CACNA2D3: variants seen among roughly 807,000 people sequenced by gnomAD.
CACNA2D3 encodes voltage-dependent calcium channel subunit alpha-2/delta-3.
A neutral mutation model predicts 160.6 loss-of-function variants in CACNA2D3; 60 were observed. That is an observed-to-expected ratio of 0.37 (90% confidence interval 0.30 to 0.46). The LOEUF (loss-of-function observed/expected upper bound fraction) is 0.46. CACNA2D3 is among the 20% of genes least tolerant of loss of function. The pLI, the probability that CACNA2D3 is intolerant of heterozygous loss-of-function variation, is 1.00. For synonymous variants in CACNA2D3, 558 were observed against 492.9 expected, an observed-to-expected ratio of 1.13 and a Z score of -1.75; for missense variants, 1,205 against 1,365.0, an observed-to-expected ratio of 0.88 and a Z score of 1.85.
chr3:54,441,774 T>G (rs1417733597), intron 4 of CACNA2D3, among the ~76,000 whole-genome samples: 1 of 152,194 alleles, frequency 6.6e-6, no homozygotes, highest in Non-Finnish European at 1.5e-5. Context: ...GTGCCAGGTA[T>G]CATTCATTGA....
intron 8 of CACNA2D3, among the ~76,000 whole-genome samples, chr3:54,579,343 G>A (rs6785722): frequency 6.6e-6 from 1 of 151,772 alleles, no homozygotes; most frequent in African/African-American, 2.4e-5. Context: ...TCTTCCTGCT[G>A]TGTCTTCCTT....
intron 2 of CACNA2D3, among the ~76,000 whole-genome samples, chr3:54,139,784 G>C (rs969525149): frequency 6.6e-6 from 1 of 152,238 alleles, no homozygotes; most frequent in Non-Finnish European, 1.5e-5. Context: ...CATTCAACAA[G>C]TGTGGTGTGT....
intron 11 of CACNA2D3, among the ~76,000 whole-genome samples, chr3:54,693,805 T>A (rs1319159505): frequency 6.6e-6 from 1 of 151,970 alleles, no homozygotes; most frequent in African/African-American, 2.4e-5. Context: ...AATAAAAAAA[T>A]TAAAAATTTT....
At chr3:54,126,637 T>C (rs868144949) in intron 2 of CACNA2D3, among the ~76,000 whole-genome samples, 1 of 152,172 alleles carries the variant, frequency 6.6e-6, no homozygotes. Context: ...TTAGGAAATT[T>C]GTCTGTTTTC....
At chr3:54,582,499 A>G (rs1174349647) in intron 9 of CACNA2D3, among the ~76,000 whole-genome samples, 1 of 152,216 alleles carries the variant, frequency 6.6e-6, no homozygotes, top group East Asian at 1.9e-4. Context: ...GTTTCCCTTT[A>G]GCCACCTTTA....
At chr3:54,336,738 T>A (rs1704388787) in intron 3 of CACNA2D3, among the ~76,000 whole-genome samples, 1 of 152,192 alleles carries the variant, frequency 6.6e-6, no homozygotes, top group African/African-American at 2.4e-5. Context: ...ACAGTTCAAA[T>A]GTGCTGGATG....
intron 2 of CACNA2D3, among the ~76,000 whole-genome samples, chr3:54,294,730 T>C (rs759334632): frequency 2.0e-5 from 3 of 152,036 alleles, no homozygotes; most frequent in Non-Finnish European, 2.9e-5. Flanking sequence ...TGCAGGGTGG[T>C]GCTAGTTTAG....
intron 9 of CACNA2D3, 41 bp downstream of exon 9, chr3:54,581,918 CCT>C: frequency 2.0e-6 from 3 of 1,509,734 alleles, no homozygotes; most frequent in East Asian, 2.3e-5. Flanking sequence ...ATGGTACACC[CCT>C]GTCTCCCTCA....
chr3:54,756,486 T>C (rs1243564168), intron 12 of CACNA2D3, among the ~76,000 whole-genome samples: 18 of 152,180 alleles, frequency 1.2e-4, no homozygotes, highest in Admixed American at 1.2e-3. Flanking sequence ...GGAGGCAGCA[T>C]AACATTTTTC....
chr3:55,017,128 TC>T lies in CACNA2D3; in HGVS notation c.2876-1076del, dbSNP rs111547003. 2.1e-3 allele frequency among the ~76,000 whole-genome samples: 314 copies of T among 152,350 alleles called. 1 individual carries two copies. The highest frequency in any genetic ancestry group is 6.9e-3 in the African/African-American group (289 of 41,584). On this transcript the variant is annotated intron_variant, in intron 34 of 37. Transcript: ENST00000474759. ...TTGAAATGTAAATAAGATTTTTTTT[TC>T]CTACAAAAACAATAGCTGAAGGCTT...
chr3:54,238,686 TAA>T (rs2107404404), intron 2 of CACNA2D3, among the ~76,000 whole-genome samples: 1 of 152,276 alleles, frequency 6.6e-6, no homozygotes, highest in African/African-American at 2.4e-5. Flanking sequence ...ATTTCCAATT[TAA>T]GTCTAAATAA....
At chr3:54,628,078 A>G (rs988836281) in intron 10 of CACNA2D3, among the ~76,000 whole-genome samples, 1 of 152,064 alleles carries the variant, frequency 6.6e-6, no homozygotes, top group African/African-American at 2.4e-5. Context: ...TAAAAATACA[A>G]AAAATTAGCC....
At chr3:54,978,223 G>A (rs1185267905) in intron 29 of CACNA2D3, among the ~76,000 whole-genome samples, 1 of 152,136 alleles carries the variant, frequency 6.6e-6, no homozygotes, top group Non-Finnish European at 1.5e-5. Flanking sequence ...AGCCCAATAG[G>A]TCTCAGCCTC....
intron 4 of CACNA2D3, among the ~76,000 whole-genome samples, chr3:54,404,403 G>A (rs1699532597): frequency 6.6e-6 from 1 of 152,128 alleles, no homozygotes. Flanking sequence ...ATAAACTGAT[G>A]CAGAAAAAGC....
At chr3:54,212,664 T>C (rs1229844977) in intron 2 of CACNA2D3, among the ~76,000 whole-genome samples, 1 of 152,186 alleles carries the variant, frequency 6.6e-6, no homozygotes. Context: ...TATCATGGCC[T>C]GAATTAGTTT....
chr3:54,369,359 G>C (rs180837556), intron 3 of CACNA2D3, among the ~76,000 whole-genome samples: 6 of 152,120 alleles, frequency 3.9e-5, no homozygotes, highest in South Asian at 4.1e-4. Context: ...AGCCGTGGTC[G>C]TGCAGGCAAG....
At chr3:54,249,557 G>A (rs867057483) in intron 2 of CACNA2D3, among the ~76,000 whole-genome samples, 2 of 71,058 alleles carry the variant, frequency 2.8e-5, no homozygotes, top group Admixed American at 1.5e-4. Context: ...CTCTGTTTAC[G>A]TACACACACA....
At chr3:54,540,080 C>A (rs1701948566) in intron 5 of CACNA2D3, among the ~76,000 whole-genome samples, 1 of 152,062 alleles carries the variant, frequency 6.6e-6, no homozygotes, top group Admixed American at 6.5e-5. Context: ...ACAGATCCTA[C>A]CAAGTGAGCC....
chr3:54,707,646 T>C (rs927434750), intron 11 of CACNA2D3, among the ~76,000 whole-genome samples: 3 of 152,174 alleles, frequency 2.0e-5, no homozygotes, highest in African/African-American at 7.2e-5. Context: ...TCCAAAGCTT[T>C]ACCGAGAAGC....
Sources: allele counts gnomAD v4.1 joint callset (sites outside exome capture counted in the v4.1 genomes callset), GRCh38; gene constraint gnomAD v4.1.1; transcripts MANE v1.5; gene names NCBI Gene and HGNC (gene_info 2026-07-23, HGNC 2026-07-21).